The following TNIK variants were observed in gnomAD, a reference collection of about 807,000 sequenced individuals.
TNIK encodes TRAF2 and NCK-interacting protein kinase.
A neutral mutation model predicts 191.3 loss-of-function variants in TNIK; 49 were observed. The observed-to-expected ratio is 0.26, with a 90% CI of 0.20 to 0.32. The LOEUF (loss-of-function observed/expected upper bound fraction) is 0.32, where lower values mean the gene tolerates loss of function less well. Ranked by LOEUF, TNIK falls within the 10% of genes least tolerant of loss-of-function variation. The pLI is 1.00. For missense variants in TNIK, 1,155 were observed against 1,702.3 expected (o/e 0.68, Z 5.66); for synonymous variants, 594 against 600.9 (o/e 0.99, Z 0.17).
At chr3:171,065,325 T>A (rs1718294771) in intron 32 of TNIK, among the ~76,000 whole-genome samples, 1 of 152,208 alleles carries the variant, frequency 6.6e-6, no homozygotes, top group Non-Finnish European at 1.5e-5. Flanking sequence ...CAGGGTTGAA[T>A]ATAGTTTAGG....
At chr3:171,088,397 G>A (rs1358797179) in intron 23 of TNIK, among the ~76,000 whole-genome samples, 3 of 152,044 alleles carry the variant, frequency 2.0e-5, no homozygotes, top group Non-Finnish European at 4.4e-5. Flanking sequence ...ACCACACCCG[G>A]CTAATTTTTG....
intron 3 of TNIK, among the ~76,000 whole-genome samples, chr3:171,221,302 AAGGAGCTTCAGAT>A (rs1266309732): frequency 5.9e-5 from 9 of 152,180 alleles, no homozygotes; most frequent in Non-Finnish European, 1.3e-4. Context: ...CTCTGTGGCA[AAGGAGCTTCAGAT>A]GGGAATCCCC....
intron 1 of TNIK, among the ~76,000 whole-genome samples, chr3:171,423,038 C>T (rs6800829): frequency 0.66 from 100,192 of 152,142 alleles, 34,422 homozygotes; most frequent in African/African-American, 0.81. Flanking sequence ...TGAGTCAATA[C>T]GTGACATTGT....
At chr3:171,166,169 T>C (rs568385268) in intron 10 of TNIK, among the ~76,000 whole-genome samples, 25 of 152,322 alleles carry the variant, frequency 1.6e-4, no homozygotes, top group African/African-American at 5.5e-4. Flanking sequence ...TCATGAGTTG[T>C]TAATTGGAAT....
At position 171,101,510 on chromosome 3, in the gene TNIK, C is replaced by T. The variant is rs2108451804; in HGVS notation, c.2530G>A (p.Glu844Lys). 6.2e-7 allele frequency: 1 copy of T among 1,613,560 alleles called. No individual in the cohort carries two copies. Among genetic ancestry groups the T allele is most frequent in the East Asian group, 2.2e-5 (1 of 44,876 alleles). ...TCATGGGTCTCGCTCTCTCCATCTT[C>T]CTCCTCTTCCTCGCTACTTTCTGAC... The part of the protein sequence containing the change: ...EESESSEEEE[E>K]DGESETHDGT... The change falls in exon 22 of 33, where the codon GAA becomes AAA. Residue 844 changes from glutamate to lysine, a missense_variant. By Grantham distance (56) the Glu-to-Lys change is moderately conservative (BLOSUM62 1). Coordinates refer to ENST00000436636, the MANE Select transcript of TNIK (RefSeq NM_015028.4).
At chr3:171,296,143 A>ACT (rs1752266114) in intron 2 of TNIK, among the ~76,000 whole-genome samples, 3 of 152,214 alleles carry the variant, frequency 2.0e-5, no homozygotes, top group Non-Finnish European at 4.4e-5. Context: ...AGATCACAGT[A>ACT]GAACTCATGG....
chr3:171,264,067 T>TACACAC (rs760319253), intron 2 of TNIK, among the ~76,000 whole-genome samples: 1,260 of 110,688 alleles, frequency 0.011, 8 homozygotes, highest in Non-Finnish European at 0.016. Flanking sequence ...TATATATACA[T>TACACAC]ACACACACAC....
At chr3:171,164,196 A>G (rs938813388) in intron 10 of TNIK, among the ~76,000 whole-genome samples, 1 of 152,218 alleles carries the variant, frequency 6.6e-6, no homozygotes, top group South Asian at 2.1e-4. Context: ...TCTGCAGAGA[A>G]CAAACACATT....
rs1720046020 is a variant in TNIK, at chr3:171,077,029, A to G, written c.3448+2489T>C. 5.3e-5 allele frequency among the ~76,000 whole-genome samples: 8 copies of G among 151,478 alleles called. No homozygotes were observed. The South Asian group carries it at 1.7e-3, about 32-fold the overall frequency. On this transcript the variant is annotated intron_variant, in intron 28 of 32. Transcript: ENST00000436636. ...AGTGTTAAAATTATTATTGTTCATG[A>G]CTGAGGTATGTAGTATACCATGGTT...
chr3:171,349,452 A>G (rs1358207907), intron 2 of TNIK, among the ~76,000 whole-genome samples: 35 of 152,198 alleles, frequency 2.3e-4, no homozygotes, highest in Admixed American at 2.3e-3. Flanking sequence ...GAAAAATGAG[A>G]TCAGCCACTG....
chr3:171,118,343 C>T (rs374683816), intron 18 of TNIK, among the ~76,000 whole-genome samples: 2 of 152,274 alleles, frequency 1.3e-5, no homozygotes, highest in East Asian at 1.9e-4. Flanking sequence ...GAATCAATAT[C>T]GTGAAAATGG....
At chr3:171,308,517 A>G (rs1386845824) in intron 2 of TNIK, among the ~76,000 whole-genome samples, 1 of 152,190 alleles carries the variant, frequency 6.6e-6, no homozygotes, top group African/African-American at 2.4e-5. Flanking sequence ...ATTTTATGAC[A>G]AAGATGCCAA....
chr3:171,342,940 C>T (rs1711527595), intron 2 of TNIK, among the ~76,000 whole-genome samples: 1 of 152,136 alleles, frequency 6.6e-6, no homozygotes, highest in South Asian at 2.1e-4. Flanking sequence ...AAGGACAGTT[C>T]CCCTGCACCT....
chr3:171,317,516 C>T (rs1215662667), intron 2 of TNIK, among the ~76,000 whole-genome samples: 1 of 152,136 alleles, frequency 6.6e-6, no homozygotes, highest in Non-Finnish European at 1.5e-5. Context: ...TATTCAGTCA[C>T]TCATCTGTAA....
rs533283441 is a variant in TNIK, at chr3:171,196,009, T to C, written c.307-1374A>G. On this transcript the variant is annotated intron_variant, in intron 4 of 32. Transcript: ENST00000436636. ...ATAGCTGTAATGTGTAGAAACACTT[T>C]AAATGTGCTTAATTAAATGCCTTAA... 5.9e-5 allele frequency among the ~76,000 whole-genome samples: 9 copies of C among 152,324 alleles called. No homozygotes were observed. The South Asian group carries it at 1.9e-3, about 32-fold the overall frequency.
intron 1 of TNIK, among the ~76,000 whole-genome samples, chr3:171,382,027 C>T (rs1275773671): frequency 3.9e-5 from 6 of 152,188 alleles, no homozygotes; most frequent in African/African-American, 1.4e-4. Context: ...AAACTTCTAT[C>T]TTCCTTAACC....
At chr3:171,085,848 A>G (rs1560088848) in intron 24 of TNIK, among the ~76,000 whole-genome samples, 1 of 152,210 alleles carries the variant, frequency 6.6e-6, no homozygotes, top group Non-Finnish European at 1.5e-5. Context: ...ATCCTTATTT[A>G]GGGACTTCAT....
intron 1 of TNIK, among the ~76,000 whole-genome samples, chr3:171,392,428 T>C (rs1299455283): frequency 3.3e-5 from 5 of 152,150 alleles, no homozygotes; most frequent in Non-Finnish European, 7.4e-5. Flanking sequence ...TTTCAGCATA[T>C]GAAAACAGCA....
chr3:171,402,575 T>C (rs1721089078), intron 1 of TNIK, among the ~76,000 whole-genome samples: 1 of 152,200 alleles, frequency 6.6e-6, no homozygotes, highest in African/African-American at 2.4e-5. Context: ...CCTTCATAGA[T>C]TGACCGTGAT....
Sources: gnomAD v4.1 joint callset for allele counts (sites outside exome capture counted in the v4.1 genomes callset) on GRCh38, gnomAD v4.1.1 for gene constraint, MANE v1.5 for transcripts, NCBI Gene and HGNC (gene_info 2026-07-23, HGNC 2026-07-21) for gene names.